The following ORC3 variants were observed in gnomAD, a reference collection of about 807,000 sequenced individuals.
The protein encoded by ORC3 is origin recognition complex subunit 3.
A neutral mutation model predicts 100.7 loss-of-function variants in ORC3; 78 were observed. That is an observed-to-expected ratio of 0.77 (90% CI 0.65 to 0.94). ORC3 has a LOEUF of 0.94. Ranked by LOEUF, ORC3 falls within the 40% of genes least tolerant of loss-of-function variation. The pLI, the probability that ORC3 is intolerant of heterozygous loss-of-function variation, is 0.00. For missense variants in ORC3, 789 were observed against 823.9 expected (o/e 0.96, Z 0.52); for synonymous variants, 295 against 289.3 (o/e 1.02, Z -0.20).
At position 87,621,688 on chromosome 6, in the gene ORC3, A is replaced by C. The variant is rs528111961; in HGVS notation, c.1121+201A>C. Among the ~76,000 whole-genome samples, 9 of 152,290 alleles carry C rather than the reference A, an allele frequency of 5.9e-5. No homozygotes were observed. In the East Asian group the frequency reaches 1.5e-3, roughly 26 times the overall value. On this transcript the variant is annotated intron_variant, in intron 10 of 19. Transcript: ENST00000392844. ...AAGGGACATAATTTGCAAGTTCTCC[A>C]GAGTTACTTTTTAGAAATAACATTT...
rs1240927144 is a variant in ORC3, at chr6:87,664,275, G to A, written c.1834-468G>A. 4.6e-5 allele frequency among the ~76,000 whole-genome samples: 7 copies of A among 152,148 alleles called. No homozygotes were observed. The South Asian group carries it at 1.2e-3, about 27-fold the overall frequency. ...AAGAAACACTGATGGTTTCTATAGG[G>A]CTTAAGGTCTGCAGTGTTGACAACG... On this transcript the variant is annotated intron_variant, in intron 17 of 19. Coordinates refer to ENST00000392844, the MANE Select transcript of ORC3 (RefSeq NM_012381.4).
At chr6:87,616,016 G>GAA (rs11454207) in intron 8 of ORC3, among the ~76,000 whole-genome samples, 1 of 145,364 alleles carries the variant, frequency 6.9e-6, no homozygotes, top group South Asian at 2.2e-4. Context: ...TTCTGGTGAG[G>GAA]AAAAAAAAAA....
chr6:87,600,627 G>T (rs1777825562), intron 2 of ORC3, among the ~76,000 whole-genome samples: 1 of 152,138 alleles, frequency 6.6e-6, no homozygotes, highest in Non-Finnish European at 1.5e-5. Context: ...AATAGGGTTG[G>T]ATTCAGTAGA....
At chr6:87,626,103 T>G (rs1779881246) in intron 11 of ORC3, among the ~76,000 whole-genome samples, 1 of 152,202 alleles carries the variant, frequency 6.6e-6, no homozygotes, top group Non-Finnish European at 1.5e-5. Flanking sequence ...GTAGTACAGT[T>G]TGAAGTCAGG....
At chr6:87,599,647 T>G (rs1408078423) in intron 2 of ORC3, among the ~76,000 whole-genome samples, 1 of 151,016 alleles carries the variant, frequency 6.6e-6, no homozygotes, top group Non-Finnish European at 1.5e-5. Context: ...ATTACAGGCA[T>G]GTGCCACCAC....
intron 9 of ORC3, among the ~76,000 whole-genome samples, chr6:87,617,844 T>G (rs1312097736): frequency 2.6e-5 from 4 of 152,210 alleles, no homozygotes; most frequent in Non-Finnish European, 4.4e-5. Flanking sequence ...CCTTGAAGAT[T>G]ATAAATTATT....
chr6:87,645,769 ACTCCATTGCC>A (rs148201877), intron 13 of ORC3, among the ~76,000 whole-genome samples: 17,908 of 152,040 alleles, frequency 0.12, 1,143 homozygotes, highest in East Asian at 0.15. Flanking sequence ...GAAGCAGAAT[ACTCCATTGCC>A]CTGCAGGATG....
intron 8 of ORC3, 106 bp downstream of exon 8, chr6:87,612,354 T>C (rs913179260): frequency 3.4e-6 from 2 of 584,712 alleles, no homozygotes; most frequent in Admixed American, 3.7e-5. Flanking sequence ...CTCTGAGTAC[T>C]ATATTGAACA....
the ORC3 span, among the ~76,000 whole-genome samples, chr6:87,677,419 T>G: frequency 6.6e-6 from 1 of 152,224 alleles, no homozygotes; most frequent in Non-Finnish European, 1.5e-5. Context: ...TTTTACTGAA[T>G]TTTTTGATAA....
intron 1 of ORC3, among the ~76,000 whole-genome samples, 185 bp downstream of exon 1, chr6:87,590,377 C>T (rs1314580296): frequency 2.0e-5 from 3 of 152,146 alleles, no homozygotes; most frequent in East Asian, 1.9e-4. Context: ...AGCGAGGACG[C>T]GGATCTGCCT....
intron 12 of ORC3, among the ~76,000 whole-genome samples, chr6:87,635,785 C>T (rs2128278507): frequency 6.6e-6 from 1 of 151,676 alleles, no homozygotes; most frequent in East Asian, 2.0e-4. Flanking sequence ...GAGTGAGACT[C>T]CGTCTAAAAA....
At chr6:87,639,441 A>G (rs1554249811) in intron 13 of ORC3, among the ~76,000 whole-genome samples, 1 of 152,164 alleles carries the variant, frequency 6.6e-6, no homozygotes, top group Non-Finnish European at 1.5e-5. Flanking sequence ...TGTTAGAGAG[A>G]AGGGGCCCTC....
At chr6:87,657,267 C>G (rs1769786632) in intron 15 of ORC3, among the ~76,000 whole-genome samples, 1 of 152,170 alleles carries the variant, frequency 6.6e-6, no homozygotes, top group Non-Finnish European at 1.5e-5. Context: ...AAAATGGGAA[C>G]ATGGCTGCAC....
chr6:87,630,161 G>A (rs1010416777), intron 11 of ORC3, among the ~76,000 whole-genome samples: 8 of 152,112 alleles, frequency 5.3e-5, no homozygotes, highest in Non-Finnish European at 1.0e-4. Context: ...TGGGCACAGT[G>A]GCTCACACCT....
At chr6:87,631,298 T>C (rs2128275332) in intron 11 of ORC3, among the ~76,000 whole-genome samples, 1 of 152,298 alleles carries the variant, frequency 6.6e-6, no homozygotes, top group South Asian at 2.1e-4. Context: ...TAGTAAATAA[T>C]GCATATTCCT....
At chr6:87,644,118 A>T (rs1768536272) in intron 13 of ORC3, among the ~76,000 whole-genome samples, 1 of 65,326 alleles carries the variant, frequency 1.5e-5, no homozygotes. Context: ...TTTGAGACGG[A>T]GTCTCGCTCT....
Position 87,601,873 on chromosome 6 carries a change from GA to G in ORC3, c.173del (p.Asn58MetfsTer8). Reference protein sequence around the residue: ...YQLIWQQMKSENERLQEELNK... With the variant: ...YQLIWQQMKSXNERLQEELNK... ...GTTGATATGGCAGCAGATGAAATCT[GA>G]AAATGAGGTGAATACTTTTTTTAAT... On this transcript the variant is annotated frameshift_variant, in exon 3 of 20. Transcript: ENST00000392844. LOFTEE classifies it high-confidence loss of function. 6.3e-7 allele frequency: 1 copy of G among 1,584,552 alleles called. No homozygotes were observed. Among genetic ancestry groups the G allele is most frequent in the Non-Finnish European group, 8.7e-7 (1 of 1,153,092 alleles).
intron 2 of ORC3, 139 bp from the exon 3 acceptor site, chr6:87,601,645 C>T (rs528853350): frequency 5.1e-6 from 3 of 592,306 alleles, no homozygotes; most frequent in African/African-American, 1.9e-5. Context: ...GCACTCCAGC[C>T]TGGGTGACAG....
At chr6:87,612,721 C>T (rs971350443) in intron 8 of ORC3, among the ~76,000 whole-genome samples, 2 of 152,132 alleles carry the variant, frequency 1.3e-5, no homozygotes, top group African/African-American at 4.8e-5. Context: ...AAGTGATTCT[C>T]CTGCCGCAGC....
Sources: allele counts gnomAD v4.1 joint callset (sites outside exome capture counted in the v4.1 genomes callset), GRCh38; gene constraint gnomAD v4.1.1; transcripts MANE v1.5; gene names NCBI Gene and HGNC (gene_info 2026-07-23, HGNC 2026-07-21).